The following STK32B variants were observed in gnomAD, a reference collection of about 807,000 sequenced individuals.
The protein encoded by STK32B is serine/threonine-protein kinase 32B.
Under a neutral mutation model 52.6 loss-of-function variants are expected in STK32B, and 43 were observed. The observed-to-expected ratio is 0.82, with a 90% CI of 0.64 to 1.05. The LOEUF (loss-of-function observed/expected upper bound fraction) is 1.05, where lower values mean the gene tolerates loss of function less well. Ranked by LOEUF, STK32B falls within the 50% of genes least tolerant of loss-of-function variation. The pLI is 0.00. For missense variants in STK32B, 621 were observed against 534.6 expected, an observed-to-expected ratio of 1.16 and a Z score of -1.59; for synonymous variants, 238 against 204.3, an observed-to-expected ratio of 1.17 and a Z score of -1.41.
At chr4:5,406,975 G>T (rs1014333293) in intron 5 of STK32B, among the ~76,000 whole-genome samples, 13 of 152,112 alleles carry the variant, frequency 8.5e-5, no homozygotes, top group Non-Finnish European at 1.8e-4. Context: ...TGGCCAGGCT[G>T]CATTTTCCAA....
intron 3 of STK32B, among the ~76,000 whole-genome samples, chr4:5,171,361 T>G (rs1719357255): frequency 6.6e-6 from 1 of 151,938 alleles, no homozygotes; most frequent in African/African-American, 2.4e-5. Flanking sequence ...CTTTTGGTGT[T>G]TTAGACATGA....
At chr4:5,180,775 T>G (rs1720290491) in intron 3 of STK32B, among the ~76,000 whole-genome samples, 1 of 152,224 alleles carries the variant, frequency 6.6e-6, no homozygotes, top group South Asian at 2.1e-4. Flanking sequence ...TTTGCTGACG[T>G]GCTCTACAAC....
At chr4:5,071,001 A>G (rs1711737166) in intron 1 of STK32B, among the ~76,000 whole-genome samples, 1 of 152,174 alleles carries the variant, frequency 6.6e-6, no homozygotes, top group African/African-American at 2.4e-5. Context: ...TTCCAGAGCA[A>G]AATCTCAAAG....
chr4:5,077,889 A>G (rs28514733), intron 1 of STK32B, among the ~76,000 whole-genome samples: 2,417 of 152,222 alleles, frequency 0.016, 72 homozygotes, highest in African/African-American at 0.055. Context: ...GGCAACAAAT[A>G]ATAACTTAAA....
rs1288114633 is a variant in STK32B, at chr4:5,324,846, A to G, written c.261-6374A>G. 3.3e-5 allele frequency among the ~76,000 whole-genome samples: 5 copies of G among 152,228 alleles called. No homozygotes were observed. The East Asian group carries it at 5.8e-4, about 18-fold the overall frequency. On this transcript the variant is annotated intron_variant, in intron 3 of 11. Transcript: ENST00000282908. ...GGTCCATCCAGGGACTTGTCCTAAC[A>G]TGACGGCAAAATCTGGGCTCCCTTA...
Position 5,357,327 on chromosome 4 carries a change from C to CA in STK32B, c.434+25935dup, listed in dbSNP as rs1350407103. 2.1e-5 allele frequency among the ~76,000 whole-genome samples: 3 copies of CA among 143,882 alleles called. No individual in the cohort carries two copies. In the East Asian group the frequency reaches 6.1e-4, roughly 29 times the overall value. The allele number at this position is 143,882 out of a possible 152,430, so 94.4% of individuals were successfully genotyped here. A position where few individuals can be genotyped will look rare whatever the true frequency, so the allele number is the denominator to read the frequency against. Reference sequence around the variant, plus strand: ...ACGGTCCCTTTCTTCAAAACCCAGACACTGTGAGTACGCTTTGAGCACTAC... The same window carrying CA: ...ACGGTCCCTTTCTTCAAAACCCAGACAACTGTGAGTACGCTTTGAGCACTAC... On this transcript the variant is annotated intron_variant, in intron 4 of 11. Coordinates refer to ENST00000282908, the MANE Select transcript of STK32B (RefSeq NM_018401.3).
intron 1 of STK32B, among the ~76,000 whole-genome samples, chr4:5,128,407 C>T (rs1560165939): frequency 2.6e-5 from 4 of 152,214 alleles, no homozygotes; most frequent in Non-Finnish European, 5.9e-5. Context: ...CTGAATTCCA[C>T]ATTTCCACCA....
At chr4:5,092,484 G>A (rs142158351) in intron 1 of STK32B, among the ~76,000 whole-genome samples, 45 of 150,938 alleles carry the variant, frequency 3.0e-4, no homozygotes, top group African/African-American at 1.0e-3. Context: ...GTGAGCCTCT[G>A]AGATTGCGCC....
chr4:5,122,375 C>CACTT (rs59455261), intron 1 of STK32B, among the ~76,000 whole-genome samples: 72,189 of 121,544 alleles, frequency 0.59, 17,663 homozygotes, highest in East Asian at 0.79. Flanking sequence ...CTCATTCACT[C>CACTT]ATTCATTCAC....
intron 1 of STK32B, among the ~76,000 whole-genome samples, chr4:5,072,101 G>A (rs141765814): frequency 6.6e-6 from 1 of 152,132 alleles, no homozygotes; most frequent in Admixed American, 6.6e-5. Context: ...ATTTATGGCT[G>A]AAACCTATAG....
chr4:5,429,884 G>A (rs1301845891), intron 6 of STK32B, among the ~76,000 whole-genome samples: 2 of 151,460 alleles, frequency 1.3e-5, no homozygotes, highest in Non-Finnish European at 2.9e-5. Flanking sequence ...TTTTTCCTTA[G>A]TCACTTAAAT....
At chr4:5,448,527 G>C (rs1217707090) in intron 7 of STK32B, among the ~76,000 whole-genome samples, 1 of 152,208 alleles carries the variant, frequency 6.6e-6, no homozygotes, top group Non-Finnish European at 1.5e-5. Context: ...AAAAGATATT[G>C]GCAGTCATTC....
intron 3 of STK32B, among the ~76,000 whole-genome samples, chr4:5,186,849 C>A (rs1720782220): frequency 6.6e-6 from 1 of 152,200 alleles, no homozygotes; most frequent in African/African-American, 2.4e-5. Flanking sequence ...TCATCTTATG[C>A]TTTAAAGATA....
intron 3 of STK32B, among the ~76,000 whole-genome samples, chr4:5,262,201 G>A (rs1726755400): frequency 6.6e-6 from 1 of 152,270 alleles, no homozygotes; most frequent in East Asian, 1.9e-4. Context: ...CTCAGAGGAA[G>A]AGCAGGTCCC....
chr4:5,120,567 C>G (rs935472052), intron 1 of STK32B, among the ~76,000 whole-genome samples: 1 of 151,980 alleles, frequency 6.6e-6, no homozygotes, highest in Non-Finnish European at 1.5e-5. Flanking sequence ...TCAGTAGTAT[C>G]CAAAGTTTCA....
intron 3 of STK32B, among the ~76,000 whole-genome samples, chr4:5,318,313 C>A (rs1731252916): frequency 6.6e-6 from 1 of 151,980 alleles, no homozygotes. Flanking sequence ...TGAAAGAAGG[C>A]CTGCCTGGGG....
chr4:5,424,930 G>A (rs1712957365), intron 6 of STK32B, among the ~76,000 whole-genome samples: 1 of 152,208 alleles, frequency 6.6e-6, no homozygotes, highest in Admixed American at 6.5e-5. Flanking sequence ...GCATTTCCTG[G>A]CATCTCCAAG....
intron 1 of STK32B, among the ~76,000 whole-genome samples, chr4:5,132,490 T>A (rs1715839436): frequency 6.6e-6 from 1 of 151,882 alleles, no homozygotes; most frequent in African/African-American, 2.4e-5. Flanking sequence ...AAATAAAAAA[T>A]AAATAAAAGG....
At chr4:5,122,317 TTCAGTC>T (rs1715081421) in intron 1 of STK32B, among the ~76,000 whole-genome samples, 2 of 149,402 alleles carry the variant, frequency 1.3e-5, no homozygotes, top group African/African-American at 5.1e-5. Context: ...ACCTCATTAA[TTCAGTC>T]ACCCATTCAC....
Sources: allele counts gnomAD v4.1 joint callset (sites outside exome capture counted in the v4.1 genomes callset), GRCh38; gene constraint gnomAD v4.1.1; transcripts MANE v1.5; gene names NCBI Gene and HGNC (gene_info 2026-07-23, HGNC 2026-07-21).